CCDC73: variants seen among roughly 807,000 people sequenced by gnomAD.
CCDC73 encodes the protein coiled-coil domain containing 73, also known as coiled-coil domain-containing protein 73.
A neutral mutation model predicts 116.5 loss-of-function variants in CCDC73; 95 were observed. The ratio of observed to expected loss-of-function variants is 0.82; its 90% confidence interval spans 0.69 to 0.97. CCDC73 has a LOEUF of 0.97. CCDC73 is among the 50% of genes least tolerant of loss of function. The pLI is 0.00. For synonymous variants in CCDC73, 398 were observed against 401.3 expected (o/e 0.99, Z 0.10); for missense variants, 1,066 against 1,206.8 (o/e 0.88, Z 1.73).
At chr11:32,687,622 A>G (rs1200454400) in intron 6 of CCDC73, among the ~76,000 whole-genome samples, 1 of 152,154 alleles carries the variant, frequency 6.6e-6, no homozygotes, top group Non-Finnish European at 1.5e-5. Flanking sequence ...ACATAGATTG[A>G]TATAAAAATA....
intron 12 of CCDC73, among the ~76,000 whole-genome samples, chr11:32,648,426 A>G (rs1295755231): frequency 6.6e-6 from 1 of 152,188 alleles, no homozygotes; most frequent in Non-Finnish European, 1.5e-5. Context: ...TAGAAAGACT[A>G]TGAGTTTATT....
At chr11:32,673,895 C>A (rs1007544842) in intron 9 of CCDC73, among the ~76,000 whole-genome samples, 4 of 152,138 alleles carry the variant, frequency 2.6e-5, no homozygotes, top group African/African-American at 9.7e-5. Context: ...GTTACTGGAA[C>A]CCCAAAAGGG....
chr11:32,751,499 A>T (rs900666957), intron 2 of CCDC73, among the ~76,000 whole-genome samples: 1 of 152,130 alleles, frequency 6.6e-6, no homozygotes, highest in Non-Finnish European at 1.5e-5. Flanking sequence ...AACCACTGGG[A>T]TGGGTCATTC....
intron 12 of CCDC73, among the ~76,000 whole-genome samples, chr11:32,642,913 G>A (rs1220292132): frequency 6.6e-6 from 1 of 151,306 alleles, no homozygotes; most frequent in African/African-American, 2.4e-5. Flanking sequence ...TTCCACCCCA[G>A]AAGTAACCAC....
intron 17 of CCDC73, chr11:32,604,294 T>C (rs1590535695): frequency 6.6e-6 from 1 of 152,262 alleles, no homozygotes; most frequent in Non-Finnish European, 1.5e-5. Context: ...CAGGTAATTT[T>C]TGTATTTTTT....
chr11:32,822,496 G>C, the CCDC73 span, among the ~76,000 whole-genome samples: 11 of 152,162 alleles, frequency 7.2e-5, no homozygotes, highest in African/African-American at 2.7e-4. Flanking sequence ...TCCTGGAATA[G>C]TTTGACCAAA....
At chr11:32,607,324 C>G (rs575370137) in intron 17 of CCDC73, among the ~76,000 whole-genome samples, 1 of 151,164 alleles carries the variant, frequency 6.6e-6, no homozygotes, top group Non-Finnish European at 1.5e-5. Context: ...GATCTCCTGA[C>G]CTCGTGATCC....
At chr11:32,782,969 C>G (rs1032418794) in intron 1 of CCDC73, among the ~76,000 whole-genome samples, 1 of 151,852 alleles carries the variant, frequency 6.6e-6, no homozygotes, top group Non-Finnish European at 1.5e-5. Context: ...TAACTGTACC[C>G]TAAAAGTCCC....
chr11:32,760,308 A>G, intron 1 of CCDC73, 50 bp from the exon 2 acceptor site: 1 of 1,085,548 alleles, frequency 9.2e-7, no homozygotes, highest in Non-Finnish European at 1.4e-6. Flanking sequence ...AGGTTTTTCA[A>G]GTAAAAGCAT....
At chr11:32,791,928 G>A (rs1193977232) in intron 1 of CCDC73, among the ~76,000 whole-genome samples, 1 of 151,352 alleles carries the variant, frequency 6.6e-6, no homozygotes, top group East Asian at 1.9e-4. Flanking sequence ...TCACGCCACT[G>A]TACTACAGCC....
chr11:32,688,401 A>G (rs927399603), intron 6 of CCDC73, among the ~76,000 whole-genome samples: 10 of 152,344 alleles, frequency 6.6e-5, no homozygotes, highest in Admixed American at 6.5e-4. Context: ...AAATTCAACC[A>G]AAGACTAGGA....
chr11:32,642,064 C>A lies in CCDC73; in HGVS notation c.958G>T (p.Glu320Ter), dbSNP rs1237165225. 1 of 1,562,402 alleles carries A rather than the reference C, an allele frequency of 6.4e-7. No individual in the cohort carries two copies. Among genetic ancestry groups the A allele is most frequent in the East Asian group, 2.3e-5 (1 of 42,698 alleles). ...ENNQTLERDN[E>*]LQREKVKENE... ...TCTTTTACCTTCTCCCTTTGCAGCT[C>A]ATTATCTCTTTCAAGGGTCTGCAAT... Residue 320 changes from glutamate (E) to a stop codon, truncating the protein, a stop_gained, in exon 13 of 18, where the codon GAG becomes TAG. Coordinates refer to ENST00000335185, the MANE Select transcript of CCDC73 (RefSeq NM_001008391.4). LOFTEE classifies it high-confidence loss of function.
intron 14 of CCDC73, among the ~76,000 whole-genome samples, chr11:32,620,036 A>T (rs1318584500): frequency 2.0e-5 from 3 of 152,240 alleles, no homozygotes; most frequent in African/African-American, 7.2e-5. Flanking sequence ...TGAGAGAAAC[A>T]GTAAAAGTCA....
chr11:32,820,375 C>T, the CCDC73 span, among the ~76,000 whole-genome samples: 15,630 of 151,896 alleles, frequency 0.1, 854 homozygotes, highest in Non-Finnish European at 0.13. Context: ...AGGTTGGTCT[C>T]GAACTCCTGG....
chr11:32,686,152 G>A (rs1488421714), intron 6 of CCDC73, among the ~76,000 whole-genome samples: 1 of 126,022 alleles, frequency 7.9e-6, no homozygotes, highest in Non-Finnish European at 1.6e-5. Context: ...GGACTAGGGT[G>A]TTAGTAGTGG....
chr11:32,796,442 A>G (rs1021169830), upstream of CCDC73, among the ~76,000 whole-genome samples: 19 of 152,176 alleles, frequency 1.2e-4, no homozygotes, highest in Non-Finnish European at 1.5e-5. Flanking sequence ...TACATACATC[A>G]TCTCATCTTA....
chr11:32,709,853 AT>A (rs1275004306), intron 3 of CCDC73, among the ~76,000 whole-genome samples: 2 of 151,964 alleles, frequency 1.3e-5, no homozygotes, highest in Non-Finnish European at 2.9e-5. Context: ...TTTGTTGATA[AT>A]TTTTTTATTA....
intron 14 of CCDC73, among the ~76,000 whole-genome samples, chr11:32,635,164 A>T (rs1855666581): frequency 1.0e-5 from 1 of 99,732 alleles, no homozygotes; most frequent in Non-Finnish European, 2.1e-5. Context: ...CGACTGGAAG[A>T]CTCAATGCCA....
intron 12 of CCDC73, among the ~76,000 whole-genome samples, chr11:32,642,561 ATTAAC>A (rs1855742810): frequency 6.6e-6 from 1 of 151,960 alleles, no homozygotes; most frequent in Non-Finnish European, 1.5e-5. Context: ...TATTTACCAT[ATTAAC>A]TTAATTACTT....
Sources: gnomAD v4.1 joint callset for allele counts (sites outside exome capture counted in the v4.1 genomes callset) on GRCh38, gnomAD v4.1.1 for gene constraint, MANE v1.5 for transcripts, NCBI Gene and HGNC (gene_info 2026-07-23, HGNC 2026-07-21) for gene names.